DPY19L1: variants seen among roughly 807,000 people sequenced by gnomAD.
DPY19L1 encodes dpy-19 like C-mannosyltransferase 1, also known as protein C-mannosyl-transferase DPY19L1.
A neutral mutation model predicts 96.9 loss-of-function variants in DPY19L1; 35 were observed. That is an observed-to-expected ratio of 0.36 (90% CI 0.28 to 0.48). The LOEUF (loss-of-function observed/expected upper bound fraction) is 0.48, where lower values mean the gene tolerates loss of function less well. DPY19L1 is among the 20% of genes least tolerant of loss of function. The pLI is 0.99. For missense variants in DPY19L1, 521 were observed against 777.9 expected, an observed-to-expected ratio of 0.67 and a Z score of 3.93; for synonymous variants, 205 against 252.6, an observed-to-expected ratio of 0.81 and a Z score of 1.79.
chr7:35,021,354 G>A (rs1291581763), intron 1 of DPY19L1, among the ~76,000 whole-genome samples: 1 of 152,184 alleles, frequency 6.6e-6, no homozygotes, highest in African/African-American at 2.4e-5. Flanking sequence ...ATAAGGATGG[G>A]AGGTGCAAGA....
At chr7:34,959,918 T>TTTATATAA (rs1784461948) in intron 10 of DPY19L1, among the ~76,000 whole-genome samples, 5 of 16,520 alleles carry the variant, frequency 3.0e-4, no homozygotes, top group Admixed American at 9.8e-4. Flanking sequence ...TATATATATA[T>TTTATATAA]ATATATTTAT....
intron 10 of DPY19L1, among the ~76,000 whole-genome samples, chr7:34,965,469 TAAAGAAA>T (rs1426084660): frequency 6.6e-6 from 1 of 152,142 alleles, no homozygotes; most frequent in African/African-American, 2.4e-5. Flanking sequence ...TGTAAAGTTA[TAAAGAAA>T]AGCAAATTGA....
intron 18 of DPY19L1, among the ~76,000 whole-genome samples, 164 bp downstream of exon 18, chr7:34,941,601 A>C (rs1784017236): frequency 6.6e-6 from 1 of 152,248 alleles, no homozygotes; most frequent in Non-Finnish European, 1.5e-5. Flanking sequence ...AGAAAGATAG[A>C]AAATGATCAG....
In DPY19L1 at chr7:34,973,990, T is replaced by A. The variant is rs181548322; in HGVS notation, c.823-385A>T. ...CCATGAATTTCAGCAAAACTATCCATAACCAGTACTTGAGAACTCTTTCTA... is the reference window on the plus strand; with the variant it reads ...CCATGAATTTCAGCAAAACTATCCAAAACCAGTACTTGAGAACTCTTTCTA... On this transcript the variant is annotated intron_variant, in intron 7 of 21. Transcript: ENST00000638088. Among the ~76,000 whole-genome samples the A allele has an allele frequency of 4.2e-3, 634 of 152,322 alleles. 1 individual carries two copies. Among genetic ancestry groups the A allele is most frequent in the African/African-American group, 0.014 (591 of 41,574 alleles).
chr7:34,958,109 A>G (rs1784417877), intron 10 of DPY19L1, 39 bp from the exon 11 acceptor site: 3 of 1,406,050 alleles, frequency 2.1e-6, no homozygotes, highest in Non-Finnish European at 2.9e-6. Flanking sequence ...TAATGCACAT[A>G]AAACAAAAAA....
At chr7:34,961,607 G>A (rs1287021964) in intron 10 of DPY19L1, among the ~76,000 whole-genome samples, 1 of 152,048 alleles carries the variant, frequency 6.6e-6, no homozygotes. Context: ...TTAGATAAAA[G>A]AACAAAGGTA....
At chr7:34,952,185 A>C (rs939932007) in intron 13 of DPY19L1, among the ~76,000 whole-genome samples, 3 of 151,826 alleles carry the variant, frequency 2.0e-5, no homozygotes, top group Non-Finnish European at 4.4e-5. Context: ...TCCAAATCCA[A>C]ATAAGGAGAA....
intron 20 of DPY19L1, chr7:34,939,047 A>G: frequency 2.5e-6 from 1 of 407,404 alleles, no homozygotes; most frequent in South Asian, 6.5e-5. Flanking sequence ...CTTCGTTTAT[A>G]TGCCTGGTAG....
intron 6 of DPY19L1, among the ~76,000 whole-genome samples, chr7:34,995,108 A>G (rs1180440587): frequency 6.6e-6 from 1 of 152,168 alleles, no homozygotes; most frequent in Non-Finnish European, 1.5e-5. Context: ...ATCTCCAAGG[A>G]ATGTTCTGAG....
At chr7:35,019,246 C>T (rs1374513060) in intron 1 of DPY19L1, among the ~76,000 whole-genome samples, 2 of 152,086 alleles carry the variant, frequency 1.3e-5, no homozygotes, top group Non-Finnish European at 2.9e-5. Flanking sequence ...TTAAATAACT[C>T]TTAACTAAGG....
At chr7:35,021,929 TTTAC>T (rs1786004274) in intron 1 of DPY19L1, among the ~76,000 whole-genome samples, 1 of 152,204 alleles carries the variant, frequency 6.6e-6, no homozygotes, top group African/African-American at 2.4e-5. Context: ...GGAGATATAT[TTTAC>T]TTAAAAATTG....
chr7:34,963,553 T>C (rs1404289979), intron 10 of DPY19L1, among the ~76,000 whole-genome samples: 2 of 152,236 alleles, frequency 1.3e-5, no homozygotes, highest in Non-Finnish European at 2.9e-5. Flanking sequence ...TTATTTCCTA[T>C]AGCTGAAACA....
chr7:34,942,688 A>C (rs754168784), intron 16 of DPY19L1, 49 bp from the exon 17 acceptor site: 1 of 1,498,374 alleles, frequency 6.7e-7, no homozygotes, highest in South Asian at 1.2e-5. Context: ...TGAAGCACTT[A>C]CGTCATATAT....
At chr7:35,000,017 T>G (rs1472067877) in intron 6 of DPY19L1, among the ~76,000 whole-genome samples, 1 of 152,138 alleles carries the variant, frequency 6.6e-6, no homozygotes, top group Non-Finnish European at 1.5e-5. Context: ...ACGTACTTGA[T>G]TATAAAAAGT....
At chr7:34,995,212 T>A (rs1785256602) in intron 6 of DPY19L1, among the ~76,000 whole-genome samples, 1 of 152,120 alleles carries the variant, frequency 6.6e-6, no homozygotes, top group Non-Finnish European at 1.5e-5. Context: ...GGCTACTAAG[T>A]CCTTTTATTT....
At position 34,941,895 on chromosome 7, in the gene DPY19L1, G is replaced by A. The variant is rs776247123; in HGVS notation, c.1570-11C>T. 14 of 1,563,120 alleles carry A rather than the reference G, an allele frequency of 9.0e-6. No homozygotes were observed. The South Asian group carries it at 1.7e-4, about 19-fold the overall frequency. Reference sequence around the variant, plus strand: ...TGCATGGTAAACCAGCTGAAAGAAAGAAGAAAATGTTTTTTACTCCTACTG... The same window carrying A: ...TGCATGGTAAACCAGCTGAAAGAAAAAAGAAAATGTTTTTTACTCCTACTG... On this transcript the variant is annotated splice_polypyrimidine_tract_variant and intron_variant, in intron 17 of 21. Coordinates refer to ENST00000638088, the MANE Select transcript of DPY19L1 (RefSeq NM_001366673.1).
At chr7:34,938,239 T>C (rs939042060) in intron 20 of DPY19L1, 120 bp from the exon 21 acceptor site, 71 of 1,179,188 alleles carry the variant, frequency 6.0e-5, no homozygotes, top group Admixed American at 5.4e-4. Context: ...CAGGAGGAAA[T>C]TCCCCATGGA....
At chr7:34,996,463 A>G (rs994505153) in intron 6 of DPY19L1, among the ~76,000 whole-genome samples, 4 of 152,122 alleles carry the variant, frequency 2.6e-5, no homozygotes, top group Non-Finnish European at 5.9e-5. Flanking sequence ...TCTCCTGCCT[A>G]GAAATATCAC....
intron 1 of DPY19L1, among the ~76,000 whole-genome samples, chr7:35,031,689 T>A (rs1284872427): frequency 1.3e-5 from 2 of 152,224 alleles, no homozygotes; most frequent in African/African-American, 4.8e-5. Flanking sequence ...CACAAATAGA[T>A]AACATATGCT....
Sources: allele counts gnomAD v4.1 joint callset (sites outside exome capture counted in the v4.1 genomes callset), GRCh38; gene constraint gnomAD v4.1.1; transcripts MANE v1.5; gene names NCBI Gene and HGNC (gene_info 2026-07-23, HGNC 2026-07-21).